Variants in NTSR2 observed in about 807,000 individuals in gnomAD.
NTSR2 encodes the protein neurotensin receptor type 2.
A neutral mutation model predicts 24.1 loss-of-function variants in NTSR2; 22 were observed. The ratio of observed to expected loss-of-function variants is 0.91; its 90% confidence interval spans 0.65 to 1.30. NTSR2 has a LOEUF of 1.30. NTSR2 is among the 50% of genes most tolerant of loss of function. NTSR2 has a pLI of 0.00. For synonymous variants in NTSR2, 291 were observed against 267.0 expected, an observed-to-expected ratio of 1.09 and a Z score of -0.88; for missense variants, 570 against 570.4, an observed-to-expected ratio of 1.00 and a Z score of 0.01.
Position 11,669,710 on chromosome 2 carries a change from G to A in NTSR2, c.420C>T (p.Pro140=), listed in dbSNP as rs1232996233. 6.5e-7 allele frequency: 1 copy of A among 1,529,738 alleles called. No homozygotes were observed. 94.8% of individuals were successfully genotyped at this position (1,529,738 alleles called of 1,614,324 possible). A position where few individuals can be genotyped will look rare whatever the true frequency, so the allele number is the denominator to read the frequency against. ...GCGTCAGCAGGCTGCGGGCACGCAG[G>A]GGCTGGCACACGGCTAGGCAGCGCT... ...SAERCLAVCQ[P]LRARSLLTPR... is the part of the protein sequence containing the mutation. Residue 140 remains proline, a synonymous_variant, in exon 1 of 4, where the codon CCC becomes CCT. Transcript: ENST00000306928.
At chr2:11,665,807 G>A (rs1661185630) in intron 1 of NTSR2, 1 of 152,666 alleles carries the variant, frequency 6.6e-6, no homozygotes. Context: ...TTTCCGAAGA[G>A]GGAGGGCCCG....
chr2:11,660,144 T>A lies in NTSR2; in HGVS notation c.899-11A>T. The A allele has an allele frequency of 6.2e-7, 1 of 1,608,888 alleles. No homozygotes were observed. The highest frequency in any genetic ancestry group is 8.5e-7 in the Non-Finnish European group (1 of 1,176,240). On this transcript the variant is annotated splice_polypyrimidine_tract_variant and intron_variant, in intron 2 of 3. Coordinates refer to ENST00000306928, the MANE Select transcript of NTSR2 (RefSeq NM_012344.4). ...TGACCACGATGGCTCCTGCAGAGCA[T>A]TGGAAAGGGAGAGACAGCGCCAGGA...
chr2:11,667,047 A>G (rs1359490735), intron 1 of NTSR2, among the ~76,000 whole-genome samples: 1 of 152,246 alleles, frequency 6.6e-6, no homozygotes, highest in Non-Finnish European at 1.5e-5. Context: ...GCCAGCAGCC[A>G]TGTTCTTGTC....
rs755612016 is a variant in NTSR2, at chr2:11,658,502, C to T, written c.1210G>A (p.Asp404Asn). The change falls in exon 4 of 4, where the codon GAT becomes AAT. Residue 404 changes from aspartate to asparagine, a missense_variant. Asp to Asn is a conservative substitution (Grantham distance 23). Coordinates refer to ENST00000306928, the MANE Select transcript of NTSR2 (RefSeq NM_012344.4). ...TLMDTASGFGDPPETRT is the reference protein window; with the variant it reads ...TLMDTASGFGNPPETRT ...ATTCAGGTCCGGGTTTCTGGGGGAT[C>T]CCCAAAGCCTGAAGCTGTATCCATT... is the stretch of plus-strand genomic sequence containing the variant. The T allele has an allele frequency of 6.2e-7, 1 of 1,605,560 alleles. No individual in the cohort carries two copies. The highest frequency in any genetic ancestry group is 8.5e-7 in the Non-Finnish European group (1 of 1,175,114).
chr2:11,666,211 G>A (rs898403174), intron 1 of NTSR2, among the ~76,000 whole-genome samples: 2 of 152,128 alleles, frequency 1.3e-5, no homozygotes, highest in Non-Finnish European at 2.9e-5. Flanking sequence ...TCTCCAGCTG[G>A]TCGTCTCCTT....
At chr2:11,666,823 A>C (rs546018985) in intron 1 of NTSR2, among the ~76,000 whole-genome samples, 1 of 152,290 alleles carries the variant, frequency 6.6e-6, no homozygotes, top group African/African-American at 2.4e-5. Flanking sequence ...GGAGAAGGGC[A>C]GAGCAGGCAG....
chr2:11,664,450 C>G (rs1661152031), intron 1 of NTSR2, among the ~76,000 whole-genome samples: 1 of 152,128 alleles, frequency 6.6e-6, no homozygotes, highest in African/African-American at 2.4e-5. Context: ...ACTTTAAAAT[C>G]AGTATGAACT....
intron 1 of NTSR2, among the ~76,000 whole-genome samples, chr2:11,664,390 T>C (rs779706100): frequency 4.6e-5 from 7 of 152,218 alleles, no homozygotes; most frequent in Non-Finnish European, 1.0e-4. Context: ...AGTGCTGGGA[T>C]TACAGGTGTG....
intron 1 of NTSR2, among the ~76,000 whole-genome samples, chr2:11,666,553 G>A (rs1331071128): frequency 6.6e-6 from 1 of 152,076 alleles, no homozygotes; most frequent in African/African-American, 2.4e-5. Flanking sequence ...AAAAAAATTA[G>A]CTGGGCGTGG....
intron 1 of NTSR2, 41 bp downstream of exon 1, chr2:11,669,465 C>CGGGCGGGGGGGG: frequency 6.3e-6 from 1 of 158,780 alleles, no homozygotes. Context: ...GCACCGCCCC[C>CGGGCGGGGGGGG]CCACCCCCCC....
chr2:11,669,579 T>C lies in NTSR2; in HGVS notation c.551A>G (p.Asp184Gly). The change falls in exon 1 of 4, where the codon GAC (aspartate) becomes GGC (glycine). Residue 184 changes from aspartate (D) to glycine (G), a missense_variant. Physicochemically the swap from Asp to Gly is moderately conservative, Grantham distance 94. Coordinates refer to ENST00000306928, the MANE Select transcript of NTSR2 (RefSeq NM_012344.4). ...MGQKHELETA[D>G]GEPEPASRVC... ...TCGCGAGGCGGGCTCCGGCTCCCCG[T>C]CCGCCGTCTCGAGTTCGTGCTTCTG... 1 of 1,576,088 alleles carries C rather than the reference T, an allele frequency of 6.3e-7. No homozygotes were observed. The highest frequency in any genetic ancestry group is 8.6e-7 in the Non-Finnish European group (1 of 1,168,890).
At position 11,658,705 on chromosome 2, in the gene NTSR2, TAGA is replaced by T; in HGVS notation, c.1004_1006del (p.Phe335del). 6.2e-7 allele frequency: 1 copy of T among 1,614,024 alleles called. No individual in the cohort carries two copies. Among genetic ancestry groups the T allele is most frequent in the Non-Finnish European group, 8.5e-7 (1 of 1,180,010 alleles). On this transcript the variant is annotated inframe_deletion, in exon 4 of 4. Coordinates refer to ENST00000306928, the MANE Select transcript of NTSR2 (RefSeq NM_012344.4). ...GTTGGTCACCATGTAGAAGTAGTGGTAGAAATTGTACAGTGGGCTGCAAGAGAA... is the reference window on the plus strand; with the variant it reads ...GTTGGTCACCATGTAGAAGTAGTGGTAATTGTACAGTGGGCTGCAAGAGAA...
intron 1 of NTSR2, chr2:11,665,808 G>A (rs1661185677): frequency 6.6e-6 from 1 of 152,660 alleles, no homozygotes; most frequent in African/African-American, 2.4e-5. Flanking sequence ...TTCCGAAGAG[G>A]GAGGGCCCGT....
chr2:11,658,411 C>G lies in NTSR2; in HGVS notation c.*68G>C. 2 of 1,522,338 alleles carry G rather than the reference C, an allele frequency of 1.3e-6. No individual in the cohort carries two copies. Among genetic ancestry groups the G allele is most frequent in the South Asian group, 2.6e-5 (2 of 75,490 alleles). 94.3% of individuals were successfully genotyped at this position (1,522,338 alleles called of 1,614,324 possible). A position where few individuals can be genotyped will look rare whatever the true frequency, so the allele number is the denominator to read the frequency against. On this transcript the variant is annotated 3_prime_UTR_variant, in exon 4 of 4. Coordinates refer to ENST00000306928, the MANE Select transcript of NTSR2 (RefSeq NM_012344.4). ...GCTTGAATGATTAGTGATGAGGTTG[C>G]TCACCTGCTTTGCCAGGTGACTAAG...
At chr2:11,669,460 G>GGGGGGGGGGGGGGGGGGGCCCCC in intron 1 of NTSR2, 46 bp downstream of exon 1, 1 of 254,726 alleles carries the variant, frequency 3.9e-6, no homozygotes, top group Non-Finnish European at 6.9e-6. Flanking sequence ...TCCCAGCACC[G>GGGGGGGGGGGGGGGGGGGCCCCC]CCCCCCCACC....
chr2:11,669,459 C>CGGGGCCGGGGG, intron 1 of NTSR2, 47 bp downstream of exon 1: 1 of 337,894 alleles, frequency 3.0e-6, no homozygotes, highest in Non-Finnish European at 5.3e-6. Flanking sequence ...CTCCCAGCAC[C>CGGGGCCGGGGG]GCCCCCCCAC....
intron 1 of NTSR2, among the ~76,000 whole-genome samples, chr2:11,662,755 TG>T: frequency 1.3e-5 from 2 of 152,124 alleles, no homozygotes; most frequent in South Asian, 4.1e-4. Context: ...CACTCCAGCC[TG>T]GGCAACAGAG....
At position 11,660,054 on chromosome 2, in the gene NTSR2, G is replaced by A. The variant is rs35653499; in HGVS notation, c.978C>T (p.Asp326=). 2.8e-3 allele frequency: 4,593 copies of A among 1,613,782 alleles called. 96 individuals are homozygous for A. In the African/African-American group the frequency reaches 0.046, roughly 16 times the overall value. ...RRLMYCYVPD[D]AWTDPLYNFY... is the part of the protein sequence containing the mutation. ...TCTGCCACACTCACTCAGTCCACGC[G>A]TCATCAGGTACGTAGCAGTACATGA... is the stretch of plus-strand genomic sequence containing the variant. The change falls in exon 3 of 4, where the codon GAC becomes GAT. Residue 326 remains aspartate (D), a synonymous_variant. Coordinates refer to ENST00000306928, the MANE Select transcript of NTSR2 (RefSeq NM_012344.4).
chr2:11,663,288 G>A (rs1295977008), intron 1 of NTSR2, among the ~76,000 whole-genome samples: 1 of 152,180 alleles, frequency 6.6e-6, no homozygotes, highest in Non-Finnish European at 1.5e-5. Flanking sequence ...GACCCACCGA[G>A]GGATGGAAGG....
Sources: allele counts gnomAD v4.1 joint callset (sites outside exome capture counted in the v4.1 genomes callset), GRCh38; gene constraint gnomAD v4.1.1; transcripts MANE v1.5; gene names NCBI Gene and HGNC (gene_info 2026-07-23, HGNC 2026-07-21).